The following ITGAE variants were observed in gnomAD, a reference collection of about 807,000 sequenced individuals.
ITGAE encodes integrin subunit alpha E, also known as integrin alpha-E.
A neutral mutation model predicts 136.5 loss-of-function variants in ITGAE; 99 were observed. The ratio of observed to expected loss-of-function variants is 0.73; its 90% CI spans 0.62 to 0.86. The LOEUF (loss-of-function observed/expected upper bound fraction) is 0.86, where lower values mean the gene tolerates loss of function less well. Among genes scored for constraint, ITGAE ranks in the 40% least tolerant of loss-of-function variants. ITGAE has a pLI of 0.00. For synonymous variants in ITGAE, 613 were observed against 591.8 expected (o/e 1.04, Z -0.52); for missense variants, 1,447 against 1,515.3 (o/e 0.95, Z 0.75).
At position 3,757,713 on chromosome 17, in the gene ITGAE, G is replaced by T. The variant is rs766919309; in HGVS notation, c.1013C>A (p.Ala338Asp). The T allele has an allele frequency of 6.2e-7, 1 of 1,613,996 alleles. No homozygotes were observed. Among genetic ancestry groups the T allele is most frequent in the African/African-American group, 1.3e-5 (1 of 75,038 alleles). The change falls in exon 9 of 31, where the codon GCC (alanine) becomes GAC (aspartate). Residue 338 changes from alanine (A) to aspartate (D), a missense_variant. Physicochemically the swap from Ala to Asp is moderately radical, Grantham distance 126. Around this residue, in one of 3 missense-constraint regions of ITGAE, gnomAD observed 310 missense variants for 416.1 expected, o/e 0.74. Transcript: ENST00000263087. ...SPKMQGVERF[A>D]IGVGEEFKSA... ...CCGGCTCCTGGCTCTTACCCCAATG[G>T]CAAAGCGCTCAACACCCTGCATTTT...
At chr17:3,769,169 C>T (rs1433824240) in intron 2 of ITGAE, among the ~76,000 whole-genome samples, 4 of 152,182 alleles carry the variant, frequency 2.6e-5, no homozygotes, top group Non-Finnish European at 5.9e-5. Flanking sequence ...CTGGACCCGC[C>T]TCCAGTCTCT....
chr17:3,733,386 C>A (rs569339572), intron 21 of ITGAE, among the ~76,000 whole-genome samples: 7 of 152,280 alleles, frequency 4.6e-5, no homozygotes, highest in Middle Eastern at 3.4e-3. Context: ...TTTATTGACT[C>A]ACTGCAATGA....
At chr17:3,719,211 G>C (rs1320885424) in intron 29 of ITGAE, among the ~76,000 whole-genome samples, 2 of 138,876 alleles carry the variant, frequency 1.4e-5, no homozygotes, top group African/African-American at 6.2e-5. Flanking sequence ...ACTCCAGCCT[G>C]GGCGACACAG....
chr17:3,715,835 C>T (rs1315006879), intron 30 of ITGAE, among the ~76,000 whole-genome samples: 2 of 151,994 alleles, frequency 1.3e-5, no homozygotes, highest in Non-Finnish European at 1.5e-5. Context: ...TGAGCTCCAG[C>T]TTGGGGGACA....
rs1385741253 is a variant in ITGAE at position 3,750,434 on chromosome 17, A to C, written c.1942T>G (p.Ser648Ala). 6.2e-7 allele frequency: 1 copy of C among 1,614,110 alleles called. No homozygotes were observed. The highest frequency in any genetic ancestry group is 1.3e-5 in the African/African-American group (1 of 74,944). ...CTAATATCAAAGCCACCAGCCATGG[A>C]CATGCCGAAGTACTGGAGTCCTGGG... ...VAPGLQYFGM[S>A]MAGGFDISGD... is the part of the protein sequence containing the mutation. The change falls in exon 16 of 31, where the codon TCC (serine) becomes GCC (alanine). Residue 648 changes from serine (S) to alanine (A), a missense_variant. By Grantham distance (99) the Ser-to-Ala change is moderately conservative. Coordinates refer to ENST00000263087, the MANE Select transcript of ITGAE (RefSeq NM_002208.5).
intron 26 of ITGAE, chr17:3,724,611 G>A (rs2051161638): frequency 1.2e-6 from 2 of 1,614,218 alleles, no homozygotes; most frequent in Admixed American, 1.7e-5. Flanking sequence ...GGAAGCGACA[G>A]GAGGAGCCAA....
At chr17:3,746,871 G>A (rs1362373413) in intron 17 of ITGAE, among the ~76,000 whole-genome samples, 2 of 152,174 alleles carry the variant, frequency 1.3e-5, no homozygotes, top group East Asian at 1.9e-4. Context: ...GATTACAGGC[G>A]TGAGCTACCA....
intron 7 of ITGAE, 39 bp downstream of exon 7, chr17:3,760,133 G>T: frequency 8.5e-7 from 1 of 1,180,332 alleles, no homozygotes; most frequent in Non-Finnish European, 1.3e-6. Flanking sequence ...GTGATTCTCA[G>T]CAATAGATAA....
At chr17:3,788,556 T>C (rs903438349) in intron 1 of ITGAE, among the ~76,000 whole-genome samples, 6 of 148,298 alleles carry the variant, frequency 4.0e-5, no homozygotes, top group Non-Finnish European at 7.4e-5. Context: ...CACCTTGGGC[T>C]CCCAAAGTGC....
intron 26 of ITGAE, chr17:3,726,546 A>C: frequency 5.4e-6 from 3 of 558,078 alleles, no homozygotes; most frequent in Non-Finnish European, 9.6e-6. Flanking sequence ...GAAGTAAACT[A>C]GCCGGGCACA....
chr17:3,782,340 A>AGTGTGTGTGTGTGTGTGTGT (rs151134975), intron 1 of ITGAE, among the ~76,000 whole-genome samples: 1 of 109,596 alleles, frequency 9.1e-6, no homozygotes, highest in African/African-American at 3.5e-5. Flanking sequence ...TTAAATCTCT[A>AGTGTGTGTGTGTGTGTGTGT]GTGTGTGTGT....
At chr17:3,734,109 G>C (rs144586999) in intron 21 of ITGAE, among the ~76,000 whole-genome samples, 95 of 152,112 alleles carry the variant, frequency 6.2e-4, no homozygotes, top group African/African-American at 2.0e-3. Context: ...CTTGCTCTGT[G>C]GCCCAGGCTG....
intron 12 of ITGAE, among the ~76,000 whole-genome samples, chr17:3,754,207 C>A (rs568678722): frequency 5.3e-5 from 8 of 152,312 alleles, no homozygotes; most frequent in African/African-American, 1.9e-4. Flanking sequence ...CACGCTCCCA[C>A]ACACACCCTA....
Position 3,761,127 on chromosome 17 carries a change from T to A in ITGAE, c.484A>T (p.Asn162Tyr). 1 of 1,613,438 alleles carries A rather than the reference T, an allele frequency of 6.2e-7. No homozygotes were observed. Among genetic ancestry groups the A allele is most frequent in the African/African-American group, 1.3e-5 (1 of 75,018 alleles). Reference sequence around the variant, plus strand: ...TCGTCTTCTCCACCGCCTTCTTTGTTGCTGTAGCAGTCTCCAGTGTCCACA... The same window carrying A: ...TCGTCTTCTCCACCGCCTTCTTTGTAGCTGTAGCAGTCTCCAGTGTCCACA... ...ARVDTGDCYS[N>Y]KEGGGEDDVN... The change falls in exon 6 of 31, where the codon AAC (asparagine) becomes TAC (tyrosine). Residue 162 changes from asparagine (N) to tyrosine (Y), a missense_variant. Asn to Tyr is a moderately radical substitution (Grantham distance 143). Around this residue, in one of 3 missense-constraint regions of ITGAE, gnomAD observed 310 missense variants for 416.1 expected, o/e 0.74. Coordinates refer to ENST00000263087, the MANE Select transcript of ITGAE (RefSeq NM_002208.5).
intron 2 of ITGAE, among the ~76,000 whole-genome samples, chr17:3,766,365 G>C (rs2052298630): frequency 6.6e-6 from 1 of 152,192 alleles, no homozygotes. Flanking sequence ...GGCCTAAGGA[G>C]GAGGAGGAGC....
chr17:3,751,352 G>C (rs1361142591), intron 15 of ITGAE, among the ~76,000 whole-genome samples: 1 of 151,930 alleles, frequency 6.6e-6, no homozygotes, highest in South Asian at 2.1e-4. Context: ...GAGGCAGGTG[G>C]GTGGAAGGAG....
intron 7 of ITGAE, among the ~76,000 whole-genome samples, chr17:3,759,911 C>CG (rs1410712073): frequency 6.6e-6 from 1 of 152,086 alleles, no homozygotes; most frequent in Non-Finnish European, 1.5e-5. Context: ...GTTGCTGCCA[C>CG]GAAAAAGTTG....
chr17:3,782,690 G>A (rs181113239), intron 1 of ITGAE, among the ~76,000 whole-genome samples: 1 of 152,206 alleles, frequency 6.6e-6, no homozygotes, highest in East Asian at 1.9e-4. Context: ...AAAAAGCAAG[G>A]TGAAGTCCAG....
chr17:3,720,967 C>T (rs1041077703), intron 28 of ITGAE, among the ~76,000 whole-genome samples: 1 of 152,288 alleles, frequency 6.6e-6, no homozygotes, highest in East Asian at 1.9e-4. Flanking sequence ...CTCGCTCTGT[C>T]ACCCATGCTG....
Sources: allele counts gnomAD v4.1 joint callset (sites outside exome capture counted in the v4.1 genomes callset), GRCh38; gene constraint gnomAD v4.1.1; regional missense constraint gnomAD v4.1.1; transcripts MANE v1.5; gene names NCBI Gene and HGNC (gene_info 2026-07-23, HGNC 2026-07-21).